MDGA1: variants seen among roughly 807,000 people sequenced by gnomAD.
MDGA1 encodes the protein MAM domain-containing glycosylphosphatidylinositol anchor protein 1.
In MDGA1, 54 loss-of-function variants were observed where a neutral mutation model predicts 101.5. That is an observed-to-expected ratio of 0.53 (90% confidence interval 0.43 to 0.67). MDGA1 has a LOEUF of 0.67. MDGA1 is among the 30% of genes least tolerant of loss of function. MDGA1 has a pLI of 0.00. For synonymous variants in MDGA1, 533 were observed against 558.3 expected (o/e 0.95, Z 0.64); for missense variants, 1,083 against 1,323.8 (o/e 0.82, Z 2.82).
intron 1 of MDGA1, among the ~76,000 whole-genome samples, chr6:37,677,291 C>T (rs1053249046): frequency 1.3e-5 from 2 of 152,162 alleles, no homozygotes; most frequent in African/African-American, 4.8e-5. Flanking sequence ...GAAATGAGAA[C>T]CATAAAACTG....
chr6:37,637,341 G>GT lies in MDGA1; in HGVS notation c.*26dup. On this transcript the variant is annotated 3_prime_UTR_variant, in exon 17 of 17. Coordinates refer to ENST00000434837, the MANE Select transcript of MDGA1 (RefSeq NM_153487.4). ...GACACTTTGGTGTGCCGGGGGCAAG[G>GT]TTGGGGGGGTGGCCACACAGCTCTC... is the stretch of plus-strand genomic sequence containing the variant. 1 of 1,581,976 alleles carries GT rather than the reference G, an allele frequency of 6.3e-7. No homozygotes were observed. Among genetic ancestry groups the GT allele is most frequent in the Non-Finnish European group, 8.7e-7 (1 of 1,152,034 alleles).
chr6:37,656,001 A>G, intron 3 of MDGA1, 105 bp from the exon 4 acceptor site: 1 of 937,490 alleles, frequency 1.1e-6, no homozygotes, highest in South Asian at 1.8e-5. Context: ...CTCAACAGAC[A>G]TTTCCAGATT....
At chr6:37,665,248 T>C (rs6925749) in intron 1 of MDGA1, among the ~76,000 whole-genome samples, 113,426 of 152,022 alleles carry the variant, frequency 0.75, 42,464 homozygotes, top group East Asian at 0.85. Flanking sequence ...AGACCCTAAC[T>C]TCACAGGTTC....
Position 37,655,513 on chromosome 6 carries a change from G to C in MDGA1, c.579+187C>G. On this transcript the variant is annotated intron_variant, in intron 4 of 16. Coordinates refer to ENST00000434837, the MANE Select transcript of MDGA1 (RefSeq NM_153487.4). This position sits in a 1 kb window ranked among gnomAD's most constrained non-coding sequence, Gnocchi z 5.1. ...CCTCGGGGACACTCCTGCCCTCATT[G>C]CTGCTCCCTGACCTTTCCATCTGAT... 1.7e-6 allele frequency: 1 copy of C among 582,466 alleles called. No individual in the cohort carries two copies. Among genetic ancestry groups the C allele is most frequent in the Middle Eastern group, 4.5e-4 (1 of 2,220 alleles). The allele number at this position is 582,466 out of a possible 1,614,324, so 36.1% of individuals were successfully genotyped here.
rs1157497406 is a variant in MDGA1, at chr6:37,697,696, C to G, written c.-885G>C. On this transcript the variant is annotated 5_prime_UTR_variant, in exon 1 of 17. Transcript: ENST00000434837. ...CGTCTGGCCGCGGCCGTAGCCCTCC[C>G]GGGCTCCGAGCTCTCGGGAGAGCGG... 6.6e-6 allele frequency: 1 copy of G among 150,974 alleles called. No individual in the cohort carries two copies. The highest frequency in any genetic ancestry group is 6.6e-5 in the Admixed American group (1 of 15,166). 9.4% of individuals were successfully genotyped at this position (150,974 alleles called of 1,614,324 possible). A position where few individuals can be genotyped will look rare whatever the true frequency, so the allele number is the denominator to read the frequency against.
chr6:37,648,945 G>A (rs1194487496), intron 9 of MDGA1, 37 bp downstream of exon 9: 1 of 1,539,358 alleles, frequency 6.5e-7, no homozygotes, highest in Non-Finnish European at 8.7e-7. Context: ...GCCCCTGGTG[G>A]GCGTGGTAGG....
chr6:37,648,432 A>G, intron 9 of MDGA1: 1 of 157,272 alleles, frequency 6.4e-6, no homozygotes. Context: ...GCGGGGCTGG[A>G]AGGGATGCTG....
chr6:37,673,839 A>G lies in MDGA1; in HGVS notation c.68-9733T>C, dbSNP rs573490934. 3.6e-4 allele frequency among the ~76,000 whole-genome samples: 55 copies of G among 152,264 alleles called. No individual in the cohort carries two copies. The South Asian group carries it at 0.011, about 30-fold the overall frequency. On this transcript the variant is annotated intron_variant, in intron 1 of 16. Transcript: ENST00000434837. ...CTGAACGCAGAGCATCTTGAGGGAA[A>G]GCAGCAACAGACTTTTGGCCCATCC...
At chr6:37,675,672 G>A (rs1761964365) in intron 1 of MDGA1, among the ~76,000 whole-genome samples, 1 of 152,148 alleles carries the variant, frequency 6.6e-6, no homozygotes, top group African/African-American at 2.4e-5. Context: ...GGCAGAGAAT[G>A]ACTCCTAGGA....
At chr6:37,645,869 T>C in intron 12 of MDGA1, 64 bp downstream of exon 12, 3 of 1,574,816 alleles carry the variant, frequency 1.9e-6, no homozygotes, top group Middle Eastern at 1.7e-4. Flanking sequence ...CTCCTTTCTC[T>C]CACCAGGAGA....
intron 2 of MDGA1, among the ~76,000 whole-genome samples, chr6:37,659,149 G>A (rs1561849987): frequency 1.3e-5 from 2 of 152,090 alleles, no homozygotes; most frequent in African/African-American, 4.8e-5. Flanking sequence ...ATCCTCCAAT[G>A]ACTGCACCCC....
intron 2 of MDGA1, among the ~76,000 whole-genome samples, chr6:37,659,958 C>T (rs768124524): frequency 5.3e-5 from 8 of 151,840 alleles, no homozygotes; most frequent in Non-Finnish European, 7.4e-5. Flanking sequence ...ACATACTGCT[C>T]AAGCCTTGGT....
rs1259925314 is a variant in MDGA1, at chr6:37,696,693, C to G, written c.67+52G>C. The G allele has an allele frequency of 3.3e-6, 5 of 1,532,694 alleles. No homozygotes were observed. Among genetic ancestry groups the G allele is most frequent in the Admixed American group, 2.0e-5 (1 of 51,272 alleles). The allele number at this position is 1,532,694 out of a possible 1,614,324, so 94.9% of individuals were successfully genotyped here. On this transcript the variant is annotated intron_variant, in intron 1 of 16. Coordinates refer to ENST00000434837, the MANE Select transcript of MDGA1 (RefSeq NM_153487.4). This position sits in a 1 kb window ranked among gnomAD's most constrained non-coding sequence, Gnocchi z 5.6. ...GGCAGCGCGCACTTTGCGCCTCTTGCAAAGTTTCCGCGCGAGGTTAAGCCA... is the reference window on the plus strand; with the variant it reads ...GGCAGCGCGCACTTTGCGCCTCTTGGAAAGTTTCCGCGCGAGGTTAAGCCA...
In MDGA1 at chr6:37,635,140, T is replaced by C. The variant is rs1157681735; in HGVS notation, c.*2228A>G. 1 of 243,598 alleles carries C rather than the reference T, an allele frequency of 4.1e-6. No individual in the cohort carries two copies. The highest frequency in any genetic ancestry group is 7.8e-6 in the Non-Finnish European group (1 of 128,106). 15.1% of individuals were successfully genotyped at this position (243,598 alleles called of 1,614,324 possible). A position where few individuals can be genotyped will look rare whatever the true frequency, so the allele number is the denominator to read the frequency against. On this transcript the variant is annotated 3_prime_UTR_variant, in exon 17 of 17. Coordinates refer to ENST00000434837, the MANE Select transcript of MDGA1 (RefSeq NM_153487.4). ...AACATTTCTTGATGTCCGACTGCGCTCCAGTCCAATTAACTCAGAACCTCT... is the reference window on the plus strand; with the variant it reads ...AACATTTCTTGATGTCCGACTGCGCCCCAGTCCAATTAACTCAGAACCTCT...
intron 1 of MDGA1, among the ~76,000 whole-genome samples, chr6:37,676,790 G>A (rs1031769705): frequency 1.3e-5 from 2 of 151,974 alleles, no homozygotes; most frequent in African/African-American, 2.4e-5. Context: ...CCAGCTACTC[G>A]GGAGGCTGAG....
chr6:37,686,679 G>A (rs538700187), intron 1 of MDGA1, among the ~76,000 whole-genome samples: 18 of 152,206 alleles, frequency 1.2e-4, no homozygotes, highest in Middle Eastern at 6.8e-3. Flanking sequence ...CACCCGCCTT[G>A]GCCTCCCAAA....
chr6:37,695,257 C>T (rs1762392292), intron 1 of MDGA1, among the ~76,000 whole-genome samples: 2 of 152,144 alleles, frequency 1.3e-5, no homozygotes, highest in Admixed American at 1.3e-4. Flanking sequence ...GGCACCTTGA[C>T]CTGGGGAGAA....
chr6:37,651,319 C>T (rs1761354257), intron 7 of MDGA1, among the ~76,000 whole-genome samples: 1 of 152,180 alleles, frequency 6.6e-6, no homozygotes, highest in Admixed American at 6.5e-5. Context: ...TCCATGAGTC[C>T]CATTGCACAT....
rs1761623385 is a variant in MDGA1, at chr6:37,661,510, G to A, written c.207+2457C>T. On this transcript the variant is annotated intron_variant, in intron 2 of 16. Coordinates refer to ENST00000434837, the MANE Select transcript of MDGA1 (RefSeq NM_153487.4). ...GGGCATCTTTAGGACCCATAACTTT[G>A]CTTGGCATGTAGCAGATGCTCAATA... Among the ~76,000 whole-genome samples, 3 of 152,194 alleles carry A rather than the reference G, an allele frequency of 2.0e-5. No homozygotes were observed. In the South Asian group the frequency reaches 6.2e-4, roughly 31 times the overall value.
Sources: gnomAD v4.1 joint callset for allele counts (sites outside exome capture counted in the v4.1 genomes callset) on GRCh38, gnomAD v4.1.1 for gene constraint, Gnocchi (gnomAD v3.1) non-coding constraint, MANE v1.5 for transcripts, NCBI Gene and HGNC (gene_info 2026-07-23, HGNC 2026-07-21) for gene names.